Variants in SHANK2 observed in about 807,000 individuals in gnomAD.
The protein encoded by SHANK2 is SH3 and multiple ankyrin repeat domains 2.
In SHANK2, 43 loss-of-function variants were observed where a neutral mutation model predicts 133.7. The observed-to-expected ratio is 0.32, with a 90% CI of 0.25 to 0.41. The LOEUF (loss-of-function observed/expected upper bound fraction) is 0.41, where lower values mean the gene tolerates loss of function less well. Ranked by LOEUF, SHANK2 falls within the 10% of genes least tolerant of loss-of-function variation. The pLI, the probability that SHANK2 is intolerant of heterozygous loss-of-function variation, is 1.00. For synonymous variants in SHANK2, 1,017 were observed against 952.8 expected (o/e 1.07, Z -1.24); for missense variants, 1,994 against 2,235.8 (o/e 0.89, Z 2.18).
intron 17 of SHANK2, among the ~76,000 whole-genome samples, chr11:70,512,400 C>G (rs1554969418): frequency 6.6e-6 from 1 of 152,188 alleles, no homozygotes; most frequent in African/African-American, 2.4e-5. Context: ...AAAATTTTAA[C>G]TAGATCACCA....
At chr11:70,672,068 T>TC (rs1378414273) in intron 15 of SHANK2, among the ~76,000 whole-genome samples, 1 of 147,232 alleles carries the variant, frequency 6.8e-6, no homozygotes, top group East Asian at 2.0e-4. Flanking sequence ...TTCTTTTTCT[T>TC]TTTTTTTTTT....
At chr11:70,596,171 G>C (rs1185002487) in intron 17 of SHANK2, among the ~76,000 whole-genome samples, 1 of 152,250 alleles carries the variant, frequency 6.6e-6, no homozygotes, top group Non-Finnish European at 1.5e-5. Flanking sequence ...TCCTGCGTGT[G>C]GTGATTTGTT....
chr11:70,613,247 A>C (rs557658666), intron 17 of SHANK2, among the ~76,000 whole-genome samples: 1 of 151,944 alleles, frequency 6.6e-6, no homozygotes, highest in East Asian at 1.9e-4. Flanking sequence ...TCTGTCGCCC[A>C]GGCTGGAGTA....
intron 17 of SHANK2, among the ~76,000 whole-genome samples, chr11:70,524,015 G>C (rs1476542786): frequency 2.0e-5 from 3 of 152,206 alleles, no homozygotes; most frequent in Non-Finnish European, 4.4e-5. Flanking sequence ...AGCGTGACTA[G>C]CAAGGGAATA....
At chr11:71,092,714 C>A (rs912570696) in intron 7 of SHANK2, 125 bp from the exon 8 acceptor site, 5 of 878,602 alleles carry the variant, frequency 5.7e-6, no homozygotes, top group Middle Eastern at 2.8e-4. Context: ...CCCTGAGTAC[C>A]CAGTGCTTCT....
chr11:70,512,503 T>G (rs2059217053), intron 17 of SHANK2, among the ~76,000 whole-genome samples: 1 of 152,240 alleles, frequency 6.6e-6, no homozygotes, highest in Admixed American at 6.5e-5. Context: ...TACATTTTGT[T>G]CTCCCTAGAG....
chr11:70,907,561 G>A (rs1555078205), intron 10 of SHANK2: 1 of 163,006 alleles, frequency 6.1e-6, no homozygotes. Flanking sequence ...AATAATAATT[G>A]GCAAATGACT....
At chr11:70,503,036 T>C in intron 17 of SHANK2, 105 bp from the exon 18 acceptor site, 1 of 1,284,346 alleles carries the variant, frequency 7.8e-7, no homozygotes, top group Non-Finnish European at 1.1e-6. Context: ...AGGGGGCAAA[T>C]GCAGGGAAGC....
chr11:71,073,147 C>CTTTTCTTTTTTTTTT (rs1951166965), intron 9 of SHANK2, among the ~76,000 whole-genome samples: 1 of 62,716 alleles, frequency 1.6e-5, no homozygotes, highest in Non-Finnish European at 3.9e-5. Context: ...TTTTTCTTTT[C>CTTTTCTTTTTTTTTT]TTTTTTTTCT....
chr11:70,728,887 G>A (rs1555031340), intron 14 of SHANK2, among the ~76,000 whole-genome samples: 2 of 152,276 alleles, frequency 1.3e-5, no homozygotes, highest in African/African-American at 2.4e-5. Flanking sequence ...GGTGCAGCAC[G>A]GACTGACTGG....
intron 2 of SHANK2, among the ~76,000 whole-genome samples, chr11:71,180,583 T>G (rs1420582560): frequency 6.6e-6 from 1 of 152,146 alleles, no homozygotes; most frequent in Non-Finnish European, 1.5e-5. Context: ...AAAGTTCAGT[T>G]TCTAATGAAA....
intron 17 of SHANK2, among the ~76,000 whole-genome samples, chr11:70,621,862 G>A (rs1247931118): frequency 6.6e-6 from 1 of 152,162 alleles, no homozygotes; most frequent in Non-Finnish European, 1.5e-5. Flanking sequence ...GTGATCAAGT[G>A]TGACTGACAG....
chr11:70,655,332 A>G lies in SHANK2; in HGVS notation c.2061+4496T>C, dbSNP rs192257022. On this transcript the variant is annotated intron_variant, in intron 17 of 25. Transcript: ENST00000601538. ...AAGCACATCAAAGTGTTGTTCAGGCATCTTTGAGCCATGACATTACAGAGT... is the reference window on the plus strand; with the variant it reads ...AAGCACATCAAAGTGTTGTTCAGGCGTCTTTGAGCCATGACATTACAGAGT... Among the ~76,000 whole-genome samples, 725 of 152,330 alleles carry G rather than the reference A, an allele frequency of 4.8e-3. 3 individuals are homozygous for G. Among genetic ancestry groups the G allele is most frequent in the Non-Finnish European group, 6.3e-3 (432 of 68,032 alleles).
intron 3 of SHANK2, among the ~76,000 whole-genome samples, chr11:71,146,676 G>A (rs1484674167): frequency 6.6e-6 from 1 of 152,212 alleles, no homozygotes; most frequent in East Asian, 1.9e-4. Context: ...GGGAGCATGG[G>A]ATGCTGGGCC....
intron 17 of SHANK2, among the ~76,000 whole-genome samples, chr11:70,628,780 A>C (rs1591670198): frequency 6.6e-6 from 1 of 152,180 alleles, no homozygotes; most frequent in Admixed American, 6.5e-5. Flanking sequence ...TGCCCTCCCC[A>C]GGACAGGCTC....
rs1434862532 is a variant in SHANK2 at position 71,083,980 on chromosome 11, G to GC, written c.912+8441_912+8442insG. Among the ~76,000 whole-genome samples the GC allele has an allele frequency of 5.3e-3, 50 of 9,422 alleles. 1 individual carries two copies. The highest frequency in any genetic ancestry group is 9.5e-3 in the Non-Finnish European group (28 of 2,956). The allele number at this position is 9,422 out of a possible 152,430, so 6.2% of individuals were successfully genotyped here. On this transcript the variant is annotated intron_variant, in intron 8 of 25. Transcript: ENST00000601538. ...GTAATTTGAATAACAACTTTTTTTT[G>GC]GGGGGGGGAGACAGAGTCTTGCTCT...
At chr11:70,781,558 T>TTTTATATATA (rs1555045156) in intron 14 of SHANK2, among the ~76,000 whole-genome samples, 62 of 28,946 alleles carry the variant, frequency 2.1e-3, no homozygotes, top group African/African-American at 5.6e-3. Flanking sequence ...TACTTACTTA[T>TTTTATATATA]TATATATATA....
At chr11:70,503,358 C>T (rs1555159302) in intron 17 of SHANK2, among the ~76,000 whole-genome samples, 1 of 152,206 alleles carries the variant, frequency 6.6e-6, no homozygotes, top group African/African-American at 2.4e-5. Context: ...GCTTTGCATC[C>T]TCACAGGAGG....
chr11:70,703,426 C>T (rs1287416633), intron 14 of SHANK2, among the ~76,000 whole-genome samples: 3 of 152,194 alleles, frequency 2.0e-5, no homozygotes, highest in Non-Finnish European at 2.9e-5. Flanking sequence ...CCTCAGCAGC[C>T]TCGGTTTCTA....
Sources: allele counts gnomAD v4.1 joint callset (sites outside exome capture counted in the v4.1 genomes callset), GRCh38; gene constraint gnomAD v4.1.1; transcripts MANE v1.5; gene names NCBI Gene and HGNC (gene_info 2026-07-23, HGNC 2026-07-21).